Variants in PCDHGA6 observed in about 807,000 individuals in gnomAD.
PCDHGA6 encodes protocadherin gamma subfamily A, 6, also known as protocadherin gamma-A6.
A neutral mutation model predicts 60.6 loss-of-function variants in PCDHGA6; 41 were observed. The observed-to-expected ratio is 0.68, with a 90% CI of 0.53 to 0.88. PCDHGA6 has a LOEUF of 0.88. PCDHGA6 is among the 40% of genes least tolerant of loss of function. The pLI, the probability that PCDHGA6 is intolerant of heterozygous loss-of-function variation, is 0.00. For synonymous variants in PCDHGA6, 594 were observed against 524.4 expected (o/e 1.13, Z -1.81); for missense variants, 1,312 against 1,203.0 (o/e 1.09, Z -1.34).
intron 1 of PCDHGA6, chr5:141,384,815 A>G (rs1780542398): frequency 5.6e-6 from 9 of 1,613,482 alleles, no homozygotes; most frequent in East Asian, 2.2e-5. Flanking sequence ...GATGCCCTCA[A>G]GCAGAGCCTC....
At position 141,375,341 on chromosome 5, in the gene PCDHGA6, A is replaced by G; in HGVS notation, c.1258A>G (p.Ile420Val). Reference protein sequence around the residue: ...LDREEVFLYNITVTATDKGTP... With the variant: ...LDREEVFLYNVTVTATDKGTP... ...CCGGGAAGAGGTATTCTTGTACAACATCACTGTGACAGCCACGGACAAAGG... is the reference window on the plus strand; with the variant it reads ...CCGGGAAGAGGTATTCTTGTACAACGTCACTGTGACAGCCACGGACAAAGG... The change falls in exon 1 of 4, where the codon ATC (isoleucine) becomes GTC (valine). Residue 420 changes from isoleucine (I) to valine (V), a missense_variant. Ile to Val is a conservative substitution (Grantham distance 29). Transcript: ENST00000517434. 3 of 1,613,856 alleles carry G rather than the reference A, an allele frequency of 1.9e-6. No homozygotes were observed. The highest frequency in any genetic ancestry group is 1.6e-4 in the Middle Eastern group (1 of 6,062).
chr5:141,498,284 G>A (rs1339639509), intron 2 of PCDHGA6, among the ~76,000 whole-genome samples: 1 of 152,004 alleles, frequency 6.6e-6, no homozygotes, highest in Non-Finnish European at 1.5e-5. Flanking sequence ...CTTGGTTCAA[G>A]ATCAAGCCAG....
chr5:141,394,428 G>A lies in PCDHGA6; in HGVS notation c.2424+17921G>A, dbSNP rs199658498. On this transcript the variant is annotated intron_variant, in intron 1 of 3. Coordinates refer to ENST00000517434, the MANE Select transcript of PCDHGA6 (RefSeq NM_018919.3). ...ACTGGTAACAGCCAGCGACAGCGGG[G>A]ACCCGCCCCTCAGCAGCAACATGTC... 332 of 1,614,232 alleles carry A rather than the reference G, an allele frequency of 2.1e-4. 3 individuals are homozygous for A. In the African/African-American group the frequency reaches 4.0e-3, roughly 19 times the overall value.
rs368168278 is a variant in PCDHGA6, at chr5:141,419,810, C to T, written c.2424+43303C>T. On this transcript the variant is annotated intron_variant, in intron 1 of 3. Coordinates refer to ENST00000517434, the MANE Select transcript of PCDHGA6 (RefSeq NM_018919.3). ...GCTAGTCGCTGTAAGAGATGGAGGA[C>T]AGCCACCCCTTTCAGCCACTGCCAC... The T allele has an allele frequency of 3.1e-6, 5 of 1,613,946 alleles. No individual in the cohort carries two copies. The Admixed American group carries it at 8.3e-5, about 27-fold the overall frequency.
rs774708513 is a variant in PCDHGA6 at position 141,375,368 on chromosome 5, A to T, written c.1285A>T (p.Thr429Ser). 1 of 1,613,754 alleles carries T rather than the reference A, an allele frequency of 6.2e-7. No individual in the cohort carries two copies. The highest frequency in any genetic ancestry group is 8.5e-7 in the Non-Finnish European group (1 of 1,179,958). ...NITVTATDKG[T>S]PPLSTETIIS... ...CACTGTGACAGCCACGGACAAAGGAACACCACCTCTGTCTACAGAAACAAT... is the reference window on the plus strand; with the variant it reads ...CACTGTGACAGCCACGGACAAAGGATCACCACCTCTGTCTACAGAAACAAT... The change falls in exon 1 of 4, where the codon ACA (threonine) becomes TCA (serine). Residue 429 changes from threonine (T) to serine (S), a missense_variant. Thr to Ser is a moderately conservative substitution (Grantham distance 58). Transcript: ENST00000517434.
At chr5:141,419,203 C>A in intron 1 of PCDHGA6, 1 of 1,613,988 alleles carries the variant, frequency 6.2e-7, no homozygotes, top group South Asian at 1.1e-5. Context: ...TCAATGACAA[C>A]GCGCCGGTTT....
chr5:141,405,333 CTGTT>C (rs1203111813), intron 1 of PCDHGA6: 18 of 1,614,204 alleles, frequency 1.1e-5, no homozygotes, highest in Non-Finnish European at 1.4e-5. Flanking sequence ...TTGTGCGTCT[CTGTT>C]GATTCCAAGT....
intron 1 of PCDHGA6, chr5:141,430,854 G>A (rs140440273): frequency 5.0e-6 from 8 of 1,587,648 alleles, no homozygotes; most frequent in Middle Eastern, 1.7e-4. Flanking sequence ...ACCCAGATAC[G>A]CTATTCAGTT....
At chr5:141,425,802 C>T (rs966768224) in intron 1 of PCDHGA6, among the ~76,000 whole-genome samples, 6 of 152,160 alleles carry the variant, frequency 3.9e-5, no homozygotes, top group African/African-American at 1.4e-4. Context: ...ATGTGCATTG[C>T]TTCTGCTTAG....
At chr5:141,385,552 T>C in intron 1 of PCDHGA6, 2 of 1,315,868 alleles carry the variant, frequency 1.5e-6, no homozygotes, top group Non-Finnish European at 9.7e-7. Flanking sequence ...ACTATCACAT[T>C]TTATAATTTC....
intron 2 of PCDHGA6, among the ~76,000 whole-genome samples, chr5:141,497,642 C>T (rs1426920174): frequency 1.3e-5 from 2 of 151,352 alleles, no homozygotes; most frequent in Middle Eastern, 3.4e-3. Context: ...CAGGTTCAAG[C>T]GATTCTCCTG....
At position 141,490,819 on chromosome 5, in the gene PCDHGA6, C is replaced by T; in HGVS notation, c.2425-3988C>T. Reference sequence around the variant, plus strand: ...CCAGCGTACCTTTGACTATGAATTGCTGCAGATGCTGCAGATTGTGGTGGG... The same window carrying T: ...CCAGCGTACCTTTGACTATGAATTGTTGCAGATGCTGCAGATTGTGGTGGG... On this transcript the variant is annotated intron_variant, in intron 1 of 3. Transcript: ENST00000517434. This position sits in a 1 kb window ranked among gnomAD's most constrained non-coding sequence, Gnocchi z 5.4. 2 of 1,613,842 alleles carry T rather than the reference C, an allele frequency of 1.2e-6. No individual in the cohort carries two copies. Among genetic ancestry groups the T allele is most frequent in the Non-Finnish European group, 8.5e-7 (1 of 1,179,804 alleles).
intron 2 of PCDHGA6, among the ~76,000 whole-genome samples, chr5:141,503,963 C>T (rs900066192): frequency 7.2e-5 from 11 of 152,188 alleles, no homozygotes; most frequent in Admixed American, 6.5e-4. Flanking sequence ...ACAGCCTTTC[C>T]CATGGTGCCA....
At chr5:141,409,507 T>C (rs1220086382) in intron 1 of PCDHGA6, 3 of 1,613,982 alleles carry the variant, frequency 1.9e-6, no homozygotes, top group South Asian at 1.1e-5. Flanking sequence ...TTTCTTCCAG[T>C]AGAAGCATCA....
intron 1 of PCDHGA6, among the ~76,000 whole-genome samples, chr5:141,425,103 A>G (rs894147422): frequency 1.3e-5 from 2 of 152,202 alleles, no homozygotes; most frequent in Non-Finnish European, 2.9e-5. Flanking sequence ...CTTCCAACAG[A>G]TGCCTACATT....
At position 141,389,685 on chromosome 5, in the gene PCDHGA6, TG is replaced by T. The variant is rs1303219922; in HGVS notation, c.2424+13180del. 1.8e-5 allele frequency: 29 copies of T among 1,612,354 alleles called. No homozygotes were observed. In the East Asian group the frequency reaches 6.2e-4, roughly 35 times the overall value. On this transcript the variant is annotated intron_variant, in intron 1 of 3. Coordinates refer to ENST00000517434, the MANE Select transcript of PCDHGA6 (RefSeq NM_018919.3). ...GGACGCAGACTCAGGACACAACGCC[TG>T]GCTGTCCTACCACGTGCTGCAGGCT...
In PCDHGA6 at chr5:141,432,716, C is replaced by G. The variant is rs1417017747; in HGVS notation, c.2424+56209C>G. ...GGCCGTCCAGGACCACGGCCAGCCC[C>G]CTCTCTCCGCCACTGTCACGCTCAC... On this transcript the variant is annotated intron_variant, in intron 1 of 3. Coordinates refer to ENST00000517434, the MANE Select transcript of PCDHGA6 (RefSeq NM_018919.3). This position sits in a 1 kb window ranked among gnomAD's most constrained non-coding sequence, Gnocchi z 6.0. 5.6e-6 allele frequency: 9 copies of G among 1,613,912 alleles called. No individual in the cohort carries two copies. Among genetic ancestry groups the G allele is most frequent in the Non-Finnish European group, 7.6e-6 (9 of 1,179,990 alleles).
chr5:141,509,872 G>T (rs968745661), intron 3 of PCDHGA6, among the ~76,000 whole-genome samples: 16 of 152,166 alleles, frequency 1.1e-4, no homozygotes, highest in Non-Finnish European at 1.5e-5. Context: ...CCAAGCTGCT[G>T]GTGGTGATGG....
At chr5:141,406,109 G>C (rs2094766123) in intron 1 of PCDHGA6, among the ~76,000 whole-genome samples, 1 of 144,746 alleles carries the variant, frequency 6.9e-6, no homozygotes, top group South Asian at 2.2e-4. Flanking sequence ...GTGTCATTCT[G>C]TTGTCCAGGG....
Sources: allele counts gnomAD v4.1 joint callset (sites outside exome capture counted in the v4.1 genomes callset), GRCh38; gene constraint gnomAD v4.1.1; non-coding constraint Gnocchi (gnomAD v3.1); transcripts MANE v1.5; gene names NCBI Gene and HGNC (gene_info 2026-07-23, HGNC 2026-07-21).